The following CTNNA1 variants were observed in gnomAD, a reference collection of about 807,000 sequenced individuals.
CTNNA1 encodes the protein catenin alpha-1.
A neutral mutation model predicts 98.4 loss-of-function variants in CTNNA1; 37 were observed. The observed-to-expected ratio is 0.38, with a 90% CI of 0.29 to 0.49. The LOEUF is 0.49. Ranked by LOEUF, CTNNA1 falls within the 20% of genes least tolerant of loss-of-function variation. The pLI, the probability that CTNNA1 is intolerant of heterozygous loss-of-function variation, is 0.95. For synonymous variants in CTNNA1, 404 were observed against 413.2 expected (o/e 0.98, Z 0.27); for missense variants, 761 against 1,147.2 (o/e 0.66, Z 4.86).
intron 1 of CTNNA1, chr5:138,753,807 C>T: frequency 4.2e-6 from 1 of 239,018 alleles, no homozygotes; most frequent in Non-Finnish European, 8.0e-6. Flanking sequence ...ACTATAGGCC[C>T]AGCGCCGCCG....
chr5:138,881,696 G>A (rs748643295), intron 7 of CTNNA1, among the ~76,000 whole-genome samples: 1 of 151,992 alleles, frequency 6.6e-6, no homozygotes, highest in Non-Finnish European at 1.5e-5. Flanking sequence ...CTTTTTTATT[G>A]TCTTGGGTAG....
At chr5:138,927,862 T>C (rs1764470542) in intron 13 of CTNNA1, among the ~76,000 whole-genome samples, 1 of 152,146 alleles carries the variant, frequency 6.6e-6, no homozygotes, top group Admixed American at 6.5e-5. Flanking sequence ...ATTGATTGCA[T>C]GCCAGTCCCG....
Position 138,889,974 on chromosome 5 carries a change from T to G in CTNNA1, c.1296+2332T>G, listed in dbSNP as rs369946344. 5.3e-5 allele frequency among the ~76,000 whole-genome samples: 8 copies of G among 152,350 alleles called. 1 individual carries two copies. Among genetic ancestry groups the G allele is most frequent in the Admixed American group, 2.6e-4 (4 of 15,310 alleles). ...CTCCCCTACCACTTTTGTATTATAA[T>G]GAAACACTTTGAACTAGTCAGTGAC... On this transcript the variant is annotated intron_variant, in intron 9 of 17. Transcript: ENST00000302763.
At position 138,934,249 on chromosome 5, in the gene CTNNA1, T is replaced by TAA. The variant is rs887685529; in HGVS notation, c.*161_*162dup. ...TGGTGAATTTTCCAAGAACATAGTT[T>TAA]AAGTTGATTAAAAATGCTTTTAGAA... On this transcript the variant is annotated 3_prime_UTR_variant, in exon 18 of 18. Coordinates refer to ENST00000302763, the MANE Select transcript of CTNNA1 (RefSeq NM_001903.5). 11 of 589,300 alleles carry TAA rather than the reference T, an allele frequency of 1.9e-5. No homozygotes were observed. Among genetic ancestry groups the TAA allele is most frequent in the Middle Eastern group, 4.5e-4 (1 of 2,228 alleles). 36.5% of individuals were successfully genotyped at this position (589,300 alleles called of 1,614,324 possible).
At chr5:138,771,888 C>G (rs902047068) in intron 1 of CTNNA1, among the ~76,000 whole-genome samples, 1 of 151,912 alleles carries the variant, frequency 6.6e-6, no homozygotes, top group South Asian at 2.1e-4. Flanking sequence ...TGCATTTAAA[C>G]GAACCATCCT....
At chr5:138,869,159 C>A (rs1201880836) in intron 7 of CTNNA1, 1 of 144,350 alleles carries the variant, frequency 6.9e-6, no homozygotes, top group Non-Finnish European at 1.5e-5. Flanking sequence ...ACCAAACATT[C>A]CATATATCAG....
chr5:138,768,175 A>T (rs1362320939), intron 1 of CTNNA1, among the ~76,000 whole-genome samples: 1 of 152,116 alleles, frequency 6.6e-6, no homozygotes, highest in Non-Finnish European at 1.5e-5. Context: ...CAGCTTTCCC[A>T]CTTGGGACAG....
intron 5 of CTNNA1, among the ~76,000 whole-genome samples, chr5:138,818,676 G>C (rs1055950604): frequency 6.6e-6 from 1 of 152,162 alleles, no homozygotes; most frequent in Non-Finnish European, 1.5e-5. Flanking sequence ...GTTTGTGGTA[G>C]TTGTGGCAGT....
chr5:138,921,595 G>T (rs922245473), intron 11 of CTNNA1, among the ~76,000 whole-genome samples: 7 of 107,298 alleles, frequency 6.5e-5, no homozygotes, highest in South Asian at 2.9e-4. Context: ...GATTAGTGGT[G>T]ATTTTTTTTT....
At chr5:138,783,067 G>A in intron 2 of CTNNA1, 110 bp from the exon 3 acceptor site, 1 of 799,036 alleles carries the variant, frequency 1.3e-6, no homozygotes, top group Non-Finnish European at 1.9e-6. Context: ...TTAATGTTCA[G>A]TGGAATCTCA....
chr5:138,913,187 TGA>T (rs2150201108), intron 10 of CTNNA1, among the ~76,000 whole-genome samples: 1 of 152,324 alleles, frequency 6.6e-6, no homozygotes, highest in African/African-American at 2.4e-5. Flanking sequence ...AAATGCTTTG[TGA>T]GAGATCTGAC....
intron 3 of CTNNA1, among the ~76,000 whole-genome samples, chr5:138,797,134 A>G (rs1446622212): frequency 1.3e-5 from 2 of 152,210 alleles, no homozygotes; most frequent in African/African-American, 2.4e-5. Flanking sequence ...ACTAGCAGCC[A>G]TGGGATTTTT....
intron 5 of CTNNA1, among the ~76,000 whole-genome samples, chr5:138,813,937 TATATGAC>T (rs1349653078): frequency 6.6e-6 from 1 of 152,172 alleles, no homozygotes; most frequent in Non-Finnish European, 1.5e-5. Flanking sequence ...TAAAGTCTAA[TATATGAC>T]AGCTTCTTTT....
rs113140573 is a variant in CTNNA1 at position 138,901,944 on chromosome 5, G to C, written c.1297-2405G>C. Among the ~76,000 whole-genome samples the C allele has an allele frequency of 0.023, 3,479 of 152,274 alleles. 137 individuals carry two copies. Among genetic ancestry groups the C allele is most frequent in the African/African-American group, 0.081 (3,344 of 41,528 alleles). ...TTAGAAGTGAGTAGCCCTGTCCCTG[G>C]GGGGTGAATTGAAGCTCATTCATCT... On this transcript the variant is annotated intron_variant, in intron 9 of 17. Transcript: ENST00000302763.
At chr5:138,760,371 CT>C (rs111615984) in intron 1 of CTNNA1, among the ~76,000 whole-genome samples, 5 of 146,970 alleles carry the variant, frequency 3.4e-5, no homozygotes, top group Non-Finnish European at 4.5e-5. Flanking sequence ...TCCATTCATA[CT>C]TTTTTTTTTG....
intron 1 of CTNNA1, among the ~76,000 whole-genome samples, chr5:138,768,565 T>G (rs996574910): frequency 1.9e-4 from 27 of 144,984 alleles, no homozygotes; most frequent in Admixed American, 4.9e-4. Flanking sequence ...TCTGTTTTTT[T>G]TTTTTTTTTT....
chr5:138,823,847 C>T (rs987345579), intron 5 of CTNNA1, among the ~76,000 whole-genome samples: 3 of 146,752 alleles, frequency 2.0e-5, no homozygotes, highest in African/African-American at 7.5e-5. Context: ...GTCCCAGCTA[C>T]TTGGGAGGCT....
intron 7 of CTNNA1, chr5:138,875,133 A>G: frequency 2.1e-6 from 1 of 482,174 alleles, no homozygotes; most frequent in Non-Finnish European, 3.6e-6. Flanking sequence ...TGATCCCTAA[A>G]TCAGTTTTGA....
At chr5:138,860,610 C>G (rs1164813843) in intron 7 of CTNNA1, among the ~76,000 whole-genome samples, 1 of 152,144 alleles carries the variant, frequency 6.6e-6, no homozygotes, top group Non-Finnish European at 1.5e-5. Context: ...ATTCTCCTGC[C>G]TCAACCTCCT....
Sources: gnomAD v4.1 joint callset for allele counts (sites outside exome capture counted in the v4.1 genomes callset) on GRCh38, gnomAD v4.1.1 for gene constraint, MANE v1.5 for transcripts, NCBI Gene and HGNC (gene_info 2026-07-23, HGNC 2026-07-21) for gene names.